Variants in GCNT2 observed in about 807,000 individuals in gnomAD.
The protein encoded by GCNT2 is glucosaminyl (N-acetyl) transferase 2 (I blood group).
In GCNT2, 34 loss-of-function variants were observed where a neutral mutation model predicts 34.2. The observed-to-expected ratio is 1.00, with a 90% CI of 0.76 to 1.32. GCNT2 has a LOEUF of 1.32. GCNT2 is among the 40% of genes most tolerant of loss of function. GCNT2 has a pLI of 0.00. For missense variants in GCNT2, 584 were observed against 489.4 expected, an observed-to-expected ratio of 1.19 and a Z score of -1.82; for synonymous variants, 212 against 188.0, an observed-to-expected ratio of 1.13 and a Z score of -1.04.
chr6:10,578,638 G>A (rs1415051761), intron 3 of GCNT2, among the ~76,000 whole-genome samples: 1 of 151,780 alleles, frequency 6.6e-6, no homozygotes, highest in Admixed American at 6.6e-5. Flanking sequence ...AGTAGAGACG[G>A]GGTTTCATCG....
chr6:10,595,667 C>T (rs1764821583), intron 3 of GCNT2, among the ~76,000 whole-genome samples: 3 of 151,118 alleles, frequency 2.0e-5, no homozygotes, highest in Non-Finnish European at 4.4e-5. Context: ...AGGAAATCAA[C>T]ATAGCCAAGA....
At position 10,628,554 on chromosome 6, in the gene GCNT2, G is replaced by A. The variant is rs1172112457; in HGVS notation, c.*1947G>A. The A allele has an allele frequency of 6.6e-6, 1 of 152,208 alleles. No individual in the cohort carries two copies. Among genetic ancestry groups the A allele is most frequent in the Non-Finnish European group, 1.5e-5 (1 of 68,054 alleles). The allele number at this position is 152,208 out of a possible 1,614,324, so 9.4% of individuals were successfully genotyped here. A position where few individuals can be genotyped will look rare whatever the true frequency, so the allele number is the denominator to read the frequency against. ...CAGTCCCACTAAGGTGACCAGAGTG[G>A]GCTCCAAGCACAAACTGCCATTGGC... On this transcript the variant is annotated 3_prime_UTR_variant, in exon 5 of 5. Coordinates refer to ENST00000495262, the MANE Select transcript of GCNT2 (RefSeq NM_145649.5).
At chr6:10,557,142 C>T in intron 3 of GCNT2, 1 of 1,551,566 alleles carries the variant, frequency 6.4e-7, no homozygotes, top group Non-Finnish European at 8.7e-7. Context: ...AAAGAGCTTT[C>T]CTATGTGATA....
chr6:10,612,173 G>A (rs1765588147), intron 3 of GCNT2, among the ~76,000 whole-genome samples: 1 of 152,124 alleles, frequency 6.6e-6, no homozygotes, highest in African/African-American at 2.4e-5. Flanking sequence ...TTTTAGTAGA[G>A]ACAGGCTTTC....
intron 3 of GCNT2, among the ~76,000 whole-genome samples, chr6:10,553,218 ATCC>A (rs938216423): frequency 6.6e-6 from 1 of 152,172 alleles, no homozygotes; most frequent in Non-Finnish European, 1.5e-5. Context: ...TGTGTACACA[ATCC>A]TCCTCCAGCT....
At chr6:10,539,304 C>T (rs1269999736) in intron 3 of GCNT2, among the ~76,000 whole-genome samples, 2 of 150,070 alleles carry the variant, frequency 1.3e-5, no homozygotes, top group African/African-American at 4.9e-5. Context: ...ATTCCCCTGC[C>T]TCAGCCTCCC....
intron 3 of GCNT2, among the ~76,000 whole-genome samples, chr6:10,560,310 CG>C (rs1762917714): frequency 1.3e-5 from 2 of 152,126 alleles, no homozygotes; most frequent in South Asian, 2.1e-4. Flanking sequence ...GGGGTAGTCT[CG>C]AATTCCTGAG....
At chr6:10,578,325 G>A (rs1437702266) in intron 3 of GCNT2, among the ~76,000 whole-genome samples, 1 of 149,892 alleles carries the variant, frequency 6.7e-6, no homozygotes, top group Non-Finnish European at 1.5e-5. Context: ...AGGTTGCAGT[G>A]AGCCGAGATT....
At chr6:10,584,373 AG>A (rs1375876493) in intron 3 of GCNT2, among the ~76,000 whole-genome samples, 2 of 152,220 alleles carry the variant, frequency 1.3e-5, no homozygotes, top group Non-Finnish European at 2.9e-5. Flanking sequence ...ATTTTCTCTT[AG>A]AGTAGAATGT....
At chr6:10,523,314 T>G (rs1037047014) in intron 1 of GCNT2, among the ~76,000 whole-genome samples, 28 of 151,474 alleles carry the variant, frequency 1.8e-4, no homozygotes, top group Middle Eastern at 6.8e-3. Context: ...TAACCCCAGC[T>G]GCTCGGGAGG....
chr6:10,523,260 A>G (rs1334602367), intron 1 of GCNT2, among the ~76,000 whole-genome samples: 1 of 151,884 alleles, frequency 6.6e-6, no homozygotes. Flanking sequence ...ATCTCTACTA[A>G]AAAGAAAATA....
At chr6:10,623,211 T>G (rs1766116391) in intron 4 of GCNT2, among the ~76,000 whole-genome samples, 1 of 147,368 alleles carries the variant, frequency 6.8e-6, no homozygotes, top group South Asian at 2.2e-4. Context: ...TAAAGAAATT[T>G]TGGTCCATTC....
chr6:10,536,731 T>C (rs1581372654), intron 3 of GCNT2, among the ~76,000 whole-genome samples: 1 of 132,562 alleles, frequency 7.5e-6, no homozygotes, highest in Admixed American at 8.0e-5. Context: ...TGAGATGGAG[T>C]CTCACTCTGT....
chr6:10,521,901 A>ATT (rs35881878), intron 1 of GCNT2, among the ~76,000 whole-genome samples: 31 of 145,716 alleles, frequency 2.1e-4, no homozygotes, highest in Middle Eastern at 3.5e-3. Context: ...TGGCATTTAA[A>ATT]TTTTTTTTTT....
intron 3 of GCNT2, among the ~76,000 whole-genome samples, chr6:10,583,436 G>GTGTGGCATGATCAAC (rs1561817539): frequency 6.6e-6 from 1 of 152,108 alleles, no homozygotes. Context: ...AACATGCCTC[G>GTGTGGCATGATCAAC]TGTGGCTGCC....
At chr6:10,590,268 G>T (rs1482394036) in intron 3 of GCNT2, among the ~76,000 whole-genome samples, 2 of 151,980 alleles carry the variant, frequency 1.3e-5, no homozygotes, top group Admixed American at 1.3e-4. Flanking sequence ...GCATAGTGGT[G>T]CATGCCTGTA....
intron 3 of GCNT2, among the ~76,000 whole-genome samples, chr6:10,570,091 A>G (rs1039392474): frequency 3.3e-5 from 5 of 152,016 alleles, no homozygotes; most frequent in Non-Finnish European, 7.4e-5. Flanking sequence ...ATGCACCACC[A>G]TGCCCAGCTA....
intron 3 of GCNT2, among the ~76,000 whole-genome samples, chr6:10,596,811 T>C (rs1581463713): frequency 8.3e-6 from 1 of 120,852 alleles, no homozygotes; most frequent in Non-Finnish European, 2.0e-5. Context: ...TTCAGCCAAA[T>C]CTGAATGTAT....
rs149120590 is a variant in GCNT2 at position 10,548,973 on chromosome 6, G to A, written c.925+19137G>A. Among the ~76,000 whole-genome samples, 766 of 151,394 alleles carry A rather than the reference G, an allele frequency of 5.1e-3. 5 individuals carry two copies. The highest frequency in any genetic ancestry group is 0.018 in the African/African-American group (733 of 41,216). On this transcript the variant is annotated intron_variant, in intron 3 of 4. Transcript: ENST00000495262. ...GGGGTTTCACCACGTTGGACAGGCT[G>A]GTCTTGAACTCCTGACCTCGTGATC...
Sources: gnomAD v4.1 joint callset for allele counts (sites outside exome capture counted in the v4.1 genomes callset) on GRCh38, gnomAD v4.1.1 for gene constraint, MANE v1.5 for transcripts, NCBI Gene and HGNC (gene_info 2026-07-23, HGNC 2026-07-21) for gene names.